Variants in ADAM22 observed in about 807,000 individuals in gnomAD.
ADAM22 encodes the protein disintegrin and metalloproteinase domain-containing protein 22.
ADAM22 carries 65 observed loss-of-function variants against 144.6 expected under a neutral mutation model. The observed-to-expected ratio is 0.45, with a 90% CI of 0.37 to 0.55. The LOEUF is 0.55. Ranked by LOEUF, ADAM22 falls within the 20% of genes least tolerant of loss-of-function variation. ADAM22 has a pLI of 0.00. For missense variants in ADAM22, 974 were observed against 1,184.9 expected (o/e 0.82, Z 2.61); for synonymous variants, 391 against 412.6 (o/e 0.95, Z 0.63).
At chr7:88,027,473 G>A (rs1799255530) in intron 3 of ADAM22, among the ~76,000 whole-genome samples, 1 of 152,154 alleles carries the variant, frequency 6.6e-6, no homozygotes, top group South Asian at 2.1e-4. Flanking sequence ...GGTTGTATGT[G>A]TATAGGAATT....
At chr7:88,035,010 G>A (rs868062155) in intron 3 of ADAM22, among the ~76,000 whole-genome samples, 1 of 152,144 alleles carries the variant, frequency 6.6e-6, no homozygotes, top group Non-Finnish European at 1.5e-5. Flanking sequence ...TGGTTCTTAT[G>A]TAAGTGTTTT....
At chr7:88,110,789 C>A in intron 5 of ADAM22, among the ~76,000 whole-genome samples, 1 of 6,988 alleles carries the variant, frequency 1.4e-4, no homozygotes, top group East Asian at 3.6e-3. Context: ...GTCCCACAGG[C>A]TGAAGTGCAG....
intron 3 of ADAM22, among the ~76,000 whole-genome samples, chr7:88,061,626 C>T (rs567387052): frequency 3.3e-5 from 5 of 152,148 alleles, no homozygotes; most frequent in South Asian, 2.1e-4. Flanking sequence ...ATCTCAATGA[C>T]GGGCTGAAAA....
chr7:87,959,855 T>C (rs1351789006), intron 2 of ADAM22, among the ~76,000 whole-genome samples: 1 of 152,224 alleles, frequency 6.6e-6, no homozygotes, highest in Non-Finnish European at 1.5e-5. Context: ...CATATTCATA[T>C]ACCATAAAAT....
intron 4 of ADAM22, among the ~76,000 whole-genome samples, chr7:88,081,914 A>C (rs887745798): frequency 2.6e-5 from 4 of 151,526 alleles, no homozygotes; most frequent in African/African-American, 4.9e-5. Flanking sequence ...CATACTGCCC[A>C]AGGTAATTTA....
At position 88,084,730 on chromosome 7, in the gene ADAM22, A is replaced by T. The variant is rs1228027598; in HGVS notation, c.390+9038A>T. Among the ~76,000 whole-genome samples, 4 of 152,196 alleles carry T rather than the reference A, an allele frequency of 2.6e-5. No individual in the cohort carries two copies. The South Asian group carries it at 8.3e-4, about 31-fold the overall frequency. On this transcript the variant is annotated intron_variant, in intron 4 of 31. Transcript: ENST00000413139. ...TTTTCCTTCCCTGCAGTACCTTTTT[A>T]AAAAGCAACTCTTAAAACTTTTACT...
intron 7 of ADAM22, among the ~76,000 whole-genome samples, chr7:88,119,933 G>C (rs1828845297): frequency 6.6e-6 from 1 of 152,170 alleles, no homozygotes. Flanking sequence ...AAATACCTAG[G>C]AATAAAATTG....
intron 3 of ADAM22, among the ~76,000 whole-genome samples, chr7:88,057,315 T>C (rs1483724862): frequency 6.6e-6 from 1 of 152,194 alleles, no homozygotes; most frequent in African/African-American, 2.4e-5. Context: ...ATTTGAGTTT[T>C]AGAAGTAGCC....
At chr7:87,944,572 G>A (rs147060067) in intron 2 of ADAM22, among the ~76,000 whole-genome samples, 25 of 152,244 alleles carry the variant, frequency 1.6e-4, no homozygotes, top group Non-Finnish European at 3.1e-4. Context: ...AGCGAGGCGA[G>A]CAGTTACCTG....
chr7:88,192,571 A>G (rs1170401220), intron 30 of ADAM22, among the ~76,000 whole-genome samples: 5 of 152,190 alleles, frequency 3.3e-5, no homozygotes, highest in Non-Finnish European at 7.3e-5. Flanking sequence ...CTAATTTATT[A>G]AAAGCCCTGT....
chr7:88,133,157 G>C (rs989464140), intron 12 of ADAM22, among the ~76,000 whole-genome samples: 8 of 152,070 alleles, frequency 5.3e-5, no homozygotes, highest in African/African-American at 1.9e-4. Context: ...GAGATGAGGA[G>C]TTTGAGACAA....
At chr7:88,041,689 T>G in intron 3 of ADAM22, among the ~76,000 whole-genome samples, 1 of 152,050 alleles carries the variant, frequency 6.6e-6, no homozygotes. Context: ...AACATGCTTT[T>G]TTCCCTAGCC....
At chr7:87,963,006 A>G (rs940584060) in intron 2 of ADAM22, among the ~76,000 whole-genome samples, 19 of 152,206 alleles carry the variant, frequency 1.2e-4, no homozygotes, top group Non-Finnish European at 2.1e-4. Flanking sequence ...CTCTTGGACA[A>G]AGCAATTGAG....
At chr7:88,080,020 C>T (rs1383844163) in intron 4 of ADAM22, among the ~76,000 whole-genome samples, 1 of 152,198 alleles carries the variant, frequency 6.6e-6, no homozygotes, top group Non-Finnish European at 1.5e-5. Context: ...ACAGAACTCT[C>T]CACCTCAAAT....
intron 14 of ADAM22, among the ~76,000 whole-genome samples, chr7:88,142,572 C>T (rs1167891924): frequency 1.3e-5 from 2 of 152,182 alleles, no homozygotes; most frequent in African/African-American, 2.4e-5. Flanking sequence ...GGCGTGGTGG[C>T]TCACACCTGT....
chr7:88,185,689 A>G (rs991051061), intron 29 of ADAM22: 2 of 152,204 alleles, frequency 1.3e-5, no homozygotes, highest in Non-Finnish European at 2.9e-5. Context: ...GGTAAAAATC[A>G]AAGGAAACTC....
At chr7:88,102,165 A>G (rs193300532) in intron 4 of ADAM22, among the ~76,000 whole-genome samples, 15 of 152,328 alleles carry the variant, frequency 9.8e-5, no homozygotes, top group Non-Finnish European at 1.6e-4. Context: ...TCTCTGAAAG[A>G]TCTTTCTGTA....
In ADAM22 at chr7:88,131,476, C is replaced by T. The variant is rs771643832; in HGVS notation, c.992+41C>T. On this transcript the variant is annotated intron_variant, in intron 11 of 31. Transcript: ENST00000413139. Reference sequence around the variant, plus strand: ...AATGATGTATTACTTTTTTTGATTCCATGTTAAATGCTTTATTGTGACTGA... The same window carrying T: ...AATGATGTATTACTTTTTTTGATTCTATGTTAAATGCTTTATTGTGACTGA... 1.9e-6 allele frequency: 3 copies of T among 1,587,830 alleles called. No homozygotes were observed. In the East Asian group the frequency reaches 6.7e-5, roughly 36 times the overall value.
chr7:87,997,186 C>A (rs1791440222), intron 3 of ADAM22, among the ~76,000 whole-genome samples: 1 of 152,174 alleles, frequency 6.6e-6, no homozygotes, highest in Non-Finnish European at 1.5e-5. Context: ...TGTTTATTAA[C>A]TTGGTAAACC....
Sources: gnomAD v4.1 joint callset for allele counts (sites outside exome capture counted in the v4.1 genomes callset) on GRCh38, gnomAD v4.1.1 for gene constraint, MANE v1.5 for transcripts, NCBI Gene and HGNC (gene_info 2026-07-23, HGNC 2026-07-21) for gene names.